The following ACSM2B variants were observed in gnomAD, a reference collection of about 807,000 sequenced individuals.
ACSM2B encodes the protein acyl-coenzyme A synthetase ACSM2B, mitochondrial.
Under a neutral mutation model 78.6 loss-of-function variants are expected in ACSM2B, and 58 were observed. The observed-to-expected ratio is 0.74, with a 90% CI of 0.60 to 0.92. The LOEUF (loss-of-function observed/expected upper bound fraction) is 0.92, where lower values mean the gene tolerates loss of function less well. Ranked by LOEUF, ACSM2B falls within the 40% of genes least tolerant of loss-of-function variation. The probability of loss-of-function intolerance (pLI) is 0.00; values close to 1 mark genes in which losing one functional copy is unlikely to be tolerated. For synonymous variants in ACSM2B, 257 were observed against 256.8 expected (o/e 1.00, Z -0.01); for missense variants, 688 against 711.2 (o/e 0.97, Z 0.37).
At chr16:20,546,255 T>G (rs1447028336) in intron 9 of ACSM2B, 139 bp downstream of exon 9, 1 of 1,421,732 alleles carries the variant, frequency 7.0e-7, no homozygotes. Flanking sequence ...CCCCCTAACC[T>G]CCCTCCGTCC....
In ACSM2B at chr16:20,559,320, C is replaced by G. The variant is rs2015570566; in HGVS notation, c.305G>C (p.Gly102Ala). 3.1e-6 allele frequency: 5 copies of G among 1,612,362 alleles called. No homozygotes were observed. Among genetic ancestry groups the G allele is most frequent in the Non-Finnish European group, 4.2e-6 (5 of 1,179,274 alleles). ...QAANILSGACGLQRGDRVAVM... is the reference protein window; with the variant it reads ...QAANILSGACALQRGDRVAVM... ...TGCCACACGATCCCCACGCTGCAGGCCACAGGCTCCCGAGAGGATGTTGGC... is the reference window on the plus strand; with the variant it reads ...TGCCACACGATCCCCACGCTGCAGGGCACAGGCTCCCGAGAGGATGTTGGC... Residue 102 changes from glycine to alanine, a missense_variant, in exon 3 of 14, where the codon GGC (glycine) becomes GCC (alanine). Coordinates refer to ENST00000329697, the MANE Select transcript of ACSM2B (RefSeq NM_001105069.2).
intron 1 of ACSM2B, chr16:20,574,132 C>A: frequency 6.6e-6 from 1 of 152,104 alleles, no homozygotes; most frequent in Non-Finnish European, 1.5e-5. Context: ...CATTCCTTCC[C>A]CAGGGTTCTT....
At chr16:20,554,637 T>C (rs981417777) in intron 4 of ACSM2B, among the ~76,000 whole-genome samples, 1 of 152,250 alleles carries the variant, frequency 6.6e-6, no homozygotes, top group African/African-American at 2.4e-5. Context: ...CTTTCCATGC[T>C]ATCAACACAT....
At chr16:20,537,850 A>T (rs2152129907) in intron 13 of ACSM2B, among the ~76,000 whole-genome samples, 1 of 152,326 alleles carries the variant, frequency 6.6e-6, no homozygotes, top group Non-Finnish European at 1.5e-5. Context: ...ATCTGGATTA[A>T]TCTGAGGTCT....
intron 9 of ACSM2B, among the ~76,000 whole-genome samples, chr16:20,545,678 G>A (rs564122095): frequency 7.9e-5 from 12 of 152,154 alleles, no homozygotes; most frequent in Non-Finnish European, 1.6e-4. Context: ...GATACTGACA[G>A]CTTATTTCAC....
At chr16:20,539,282 CAGA>C (rs2014925028) in intron 13 of ACSM2B, among the ~76,000 whole-genome samples, 1 of 63,628 alleles carries the variant, frequency 1.6e-5, no homozygotes, top group Admixed American at 2.0e-4. Context: ...GCCTGCTTCT[CAGA>C]AGACCTATGA....
chr16:20,538,907 C>T (rs1244403914), intron 13 of ACSM2B, among the ~76,000 whole-genome samples: 1 of 152,030 alleles, frequency 6.6e-6, no homozygotes, highest in African/African-American at 2.4e-5. Flanking sequence ...CAGCTAAGAT[C>T]CTCCTCCAGG....
At chr16:20,568,182 T>C (rs2015986056) in intron 1 of ACSM2B, among the ~76,000 whole-genome samples, 1 of 143,462 alleles carries the variant, frequency 7.0e-6, no homozygotes, top group South Asian at 2.1e-4. Context: ...GCAAAATATA[T>C]TATATATATT....
chr16:20,567,542 TATATAA>T (rs2015955142), intron 1 of ACSM2B, among the ~76,000 whole-genome samples: 1 of 130,024 alleles, frequency 7.7e-6, no homozygotes, highest in East Asian at 2.1e-4. Context: ...TAGTATATAA[TATATAA>T]ATATAAATTA....
rs560620327 is a variant in ACSM2B at position 20,567,405 on chromosome 16, T to C, written c.-8-2552A>G. ...GTATAATATTACATATACAATATAT[T>C]ATATAATATATAATATAGTATATTA... On this transcript the variant is annotated intron_variant, in intron 1 of 13. Coordinates refer to ENST00000329697, the MANE Select transcript of ACSM2B (RefSeq NM_001105069.2). Among the ~76,000 whole-genome samples the C allele has an allele frequency of 1.3e-3, 153 of 118,612 alleles. 5 individuals are homozygous for C. The South Asian group carries it at 0.034, about 26-fold the overall frequency. The allele number at this position is 118,612 out of a possible 152,430, so 77.8% of individuals were successfully genotyped here.
chr16:20,546,523 G>C (rs1377823103), intron 8 of ACSM2B, 49 bp from the exon 9 acceptor site: 1 of 1,571,744 alleles, frequency 6.4e-7, no homozygotes, highest in Non-Finnish European at 8.6e-7. Context: ...GAGGTACAAG[G>C]TCACAGAAAA....
At chr16:20,549,829 G>T in intron 6 of ACSM2B, 1 of 449,260 alleles carries the variant, frequency 2.2e-6, no homozygotes, top group Non-Finnish European at 4.4e-6. Flanking sequence ...CAGCTTATAG[G>T]TAGATTTAAA....
chr16:20,574,867 T>C (rs1243164892), intron 1 of ACSM2B, among the ~76,000 whole-genome samples: 1 of 150,556 alleles, frequency 6.6e-6, no homozygotes, highest in Non-Finnish European at 1.5e-5. Context: ...AGCTGGGAGA[T>C]AGAATCCCCG....
At chr16:20,567,368 ATATAATATATAGTATAATAT>A (rs2015937361) in intron 1 of ACSM2B, among the ~76,000 whole-genome samples, 1 of 116,960 alleles carries the variant, frequency 8.5e-6, no homozygotes, top group African/African-American at 3.6e-5. Context: ...ATTATATATT[ATATAATATATAGTATAATAT>A]TACATATACA....
Position 20,540,578 on chromosome 16 carries a change from T to A in ACSM2B, c.1629+76A>T. The A allele has an allele frequency of 1.9e-6, 3 of 1,582,838 alleles. No individual in the cohort carries two copies. In the African/African-American group the frequency reaches 4.1e-5, roughly 21 times the overall value. On this transcript the variant is annotated intron_variant, in intron 13 of 13. Transcript: ENST00000329697. ...TTTTAAAATTAGAAGGCTGTCCTCC[T>A]CCTGAAGAAGATAAATATAACAGGA...
chr16:20,546,669 G>C (rs1158634567), intron 8 of ACSM2B, 195 bp from the exon 9 acceptor site: 3 of 1,037,770 alleles, frequency 2.9e-6, no homozygotes, highest in South Asian at 3.2e-5. Flanking sequence ...TAAATTGTTT[G>C]TTCAGGAAGC....
At position 20,536,958 on chromosome 16, in the gene ACSM2B, G is replaced by A. The variant is rs11645661; in HGVS notation, c.*300C>T. 16,216 of 221,440 alleles carry A rather than the reference G, an allele frequency of 0.073. 810 individuals are homozygous for A. The highest frequency in any genetic ancestry group is 0.19 in the East Asian group (2,192 of 11,614). 13.7% of individuals were successfully genotyped at this position (221,440 alleles called of 1,614,324 possible). Reference sequence around the variant, plus strand: ...CTTCCTCCTTCCCTTGCTTCCTCTCGCCTTCCCTCCCTACTTTATTTCTTT... The same window carrying A: ...CTTCCTCCTTCCCTTGCTTCCTCTCACCTTCCCTCCCTACTTTATTTCTTT... On this transcript the variant is annotated 3_prime_UTR_variant, in exon 14 of 14. Transcript: ENST00000329697.
chr16:20,554,165 T>A, intron 4 of ACSM2B: 1 of 664,416 alleles, frequency 1.5e-6, no homozygotes, highest in Non-Finnish European at 2.7e-6. Context: ...CTTCTCTGTG[T>A]CTCACTTTAT....
intron 2 of ACSM2B, 32 bp downstream of exon 2, chr16:20,564,637 T>G (rs2015763371): frequency 6.2e-7 from 1 of 1,610,776 alleles, no homozygotes. Flanking sequence ...AACAAAATTG[T>G]CTCACTCTGT....
Sources: gnomAD v4.1 joint callset for allele counts (sites outside exome capture counted in the v4.1 genomes callset) on GRCh38, gnomAD v4.1.1 for gene constraint, MANE v1.5 for transcripts, NCBI Gene and HGNC (gene_info 2026-07-23, HGNC 2026-07-21) for gene names.